PCDHA2: variants seen among roughly 807,000 people sequenced by gnomAD.
The protein encoded by PCDHA2 is protocadherin alpha-2.
In PCDHA2, 58 loss-of-function variants were observed where a neutral mutation model predicts 66.0. The ratio of observed to expected loss-of-function variants is 0.88; its 90% CI spans 0.71 to 1.09. PCDHA2 has a LOEUF of 1.09. PCDHA2 is among the 50% of genes least tolerant of loss of function. The probability of loss-of-function intolerance (pLI) is 0.00; values close to 1 mark genes in which losing one functional copy is unlikely to be tolerated. For missense variants in PCDHA2, 1,267 were observed against 1,242.3 expected, an observed-to-expected ratio of 1.02 and a Z score of -0.30; for synonymous variants, 634 against 554.0, an observed-to-expected ratio of 1.14 and a Z score of -2.03.
intron 1 of PCDHA2, chr5:140,870,624 G>T (rs1554164487): frequency 1.2e-6 from 2 of 1,613,112 alleles, no homozygotes; most frequent in South Asian, 2.2e-5. Flanking sequence ...CGAGCTACGT[G>T]TCGGTGCACG....
intron 1 of PCDHA2, chr5:140,803,869 A>C: frequency 1.8e-6 from 1 of 562,586 alleles, no homozygotes; most frequent in Non-Finnish European, 3.1e-6. Context: ...TATAAGACAA[A>C]TATTTTTTCT....
chr5:140,945,620 C>T (rs1451535910), intron 1 of PCDHA2, among the ~76,000 whole-genome samples: 2 of 152,092 alleles, frequency 1.3e-5, no homozygotes, highest in African/African-American at 4.8e-5. Context: ...CAGCATGGTA[C>T]TGGCATAAAA....
intron 1 of PCDHA2, chr5:140,801,196 C>G (rs782169201): frequency 6.3e-7 from 1 of 1,589,684 alleles, no homozygotes; most frequent in South Asian, 1.1e-5. Flanking sequence ...AAAATACTTG[C>G]AATGTTGTTC....
At chr5:140,950,706 G>A (rs72802969) in intron 1 of PCDHA2, among the ~76,000 whole-genome samples, 841 of 152,058 alleles carry the variant, frequency 5.5e-3, no homozygotes, top group Middle Eastern at 0.017. Flanking sequence ...ACAAATTTTT[G>A]TTCCTTATAT....
chr5:140,917,164 G>C (rs155804), intron 1 of PCDHA2, among the ~76,000 whole-genome samples: 48,022 of 151,994 alleles, frequency 0.32, 7,940 homozygotes, highest in East Asian at 0.52. Context: ...TATGGGAGGG[G>C]TGATGGTGGT....
chr5:140,911,405 C>T (rs565928237), intron 1 of PCDHA2, among the ~76,000 whole-genome samples: 45 of 152,276 alleles, frequency 3.0e-4, no homozygotes, highest in South Asian at 1.5e-3. Flanking sequence ...AGGTCAGCCA[C>T]TGGTATGATA....
intron 1 of PCDHA2, chr5:140,809,132 G>T: frequency 6.2e-7 from 1 of 1,614,020 alleles, no homozygotes; most frequent in Non-Finnish European, 8.5e-7. Flanking sequence ...CCGCCTACTG[G>T]TACTGGTGAA....
At chr5:140,812,188 A>T (rs1284856498) in intron 1 of PCDHA2, 17 of 132,336 alleles carry the variant, frequency 1.3e-4, no homozygotes, top group African/African-American at 5.1e-4. Flanking sequence ...TACTGATTCA[A>T]TCTCCTTACT....
chr5:140,868,708 A>C, intron 1 of PCDHA2: 1 of 186,682 alleles, frequency 5.4e-6, no homozygotes, highest in Non-Finnish European at 1.1e-5. Context: ...CATAGACACA[A>C]TAATTTAAAT....
At chr5:140,804,358 A>G (rs1562197499) in intron 1 of PCDHA2, 1 of 152,056 alleles carries the variant, frequency 6.6e-6, no homozygotes, top group Non-Finnish European at 1.5e-5. Context: ...AAAATTTATT[A>G]CTAATAACTA....
chr5:140,805,590 C>G (rs1332394833), intron 1 of PCDHA2: 1 of 930,856 alleles, frequency 1.1e-6, no homozygotes, highest in Non-Finnish European at 1.3e-6. Context: ...ACCATTATGT[C>G]TTTATATATT....
chr5:140,898,422 C>T (rs1554187981), intron 1 of PCDHA2, among the ~76,000 whole-genome samples: 2 of 152,278 alleles, frequency 1.3e-5, no homozygotes, highest in East Asian at 3.9e-4. Context: ...AGCCAGTTTT[C>T]CCAGCACCAT....
chr5:140,919,666 A>G (rs1247598579), intron 1 of PCDHA2, among the ~76,000 whole-genome samples: 1 of 152,154 alleles, frequency 6.6e-6, no homozygotes. Context: ...TATATATTTT[A>G]GCTTATTGGT....
intron 1 of PCDHA2, among the ~76,000 whole-genome samples, chr5:140,943,089 T>C (rs2093417033): frequency 6.6e-6 from 1 of 151,612 alleles, no homozygotes; most frequent in African/African-American, 2.4e-5. Flanking sequence ...AAATCCTGCC[T>C]CTACTAAAAA....
rs781883324 is a variant in PCDHA2 at position 140,927,514 on chromosome 5, G to A, written c.2389-51435G>A. 3.2e-5 allele frequency: 52 copies of A among 1,613,938 alleles called. No individual in the cohort carries two copies. The highest frequency in any genetic ancestry group is 4.2e-5 in the Non-Finnish European group (49 of 1,180,040). ...CCTGCTGGTGCTTACAGCTCGGGAC[G>A]GCGGGCTACCTGCCCGCTCAGGAGA... On this transcript the variant is annotated intron_variant, in intron 1 of 3. Coordinates refer to ENST00000526136, the MANE Select transcript of PCDHA2 (RefSeq NM_018905.3).
At chr5:140,863,267 C>T in intron 1 of PCDHA2, 1 of 1,457,902 alleles carries the variant, frequency 6.9e-7, no homozygotes, top group Non-Finnish European at 9.3e-7. Flanking sequence ...CGGGAGGCAG[C>T]GCTGGTGGAT....
At chr5:140,881,559 C>G (rs1293330721) in intron 1 of PCDHA2, among the ~76,000 whole-genome samples, 2 of 152,174 alleles carry the variant, frequency 1.3e-5, no homozygotes, top group Admixed American at 6.5e-5. Context: ...ATATAAATAT[C>G]TTATCTACAT....
At chr5:140,824,078 T>G in intron 1 of PCDHA2, 1 of 1,614,194 alleles carries the variant, frequency 6.2e-7, no homozygotes, top group Non-Finnish European at 8.5e-7. Context: ...AAAACAGACC[T>G]CATGGCCTTC....
At chr5:140,916,464 G>T (rs2077577403) in intron 1 of PCDHA2, among the ~76,000 whole-genome samples, 1 of 152,206 alleles carries the variant, frequency 6.6e-6, no homozygotes, top group Non-Finnish European at 1.5e-5. Context: ...ATCACTGCTG[G>T]TTATTTGGTG....
Sources: allele counts gnomAD v4.1 joint callset (sites outside exome capture counted in the v4.1 genomes callset), GRCh38; gene constraint gnomAD v4.1.1; transcripts MANE v1.5; gene names NCBI Gene and HGNC (gene_info 2026-07-23, HGNC 2026-07-21).